Variants in TNFSF4 observed in about 807,000 individuals in gnomAD.
TNFSF4 encodes tumor necrosis factor ligand superfamily member 4.
Under a neutral mutation model 7.3 loss-of-function variants are expected in TNFSF4, and 4 were observed. The ratio of observed to expected loss-of-function variants is 0.55; its 90% CI spans 0.27 to 1.25. The LOEUF (loss-of-function observed/expected upper bound fraction) is 1.25, where lower values mean the gene tolerates loss of function less well. Ranked by LOEUF, TNFSF4 falls within the 50% of genes most tolerant of loss-of-function variation. The pLI is 0.12. For missense variants in TNFSF4, 181 were observed against 208.8 expected, an observed-to-expected ratio of 0.87 and a Z score of 0.82; for synonymous variants, 76 against 83.7, an observed-to-expected ratio of 0.91 and a Z score of 0.50.
chr1:173,226,576 C>T, the TNFSF4 span, among the ~76,000 whole-genome samples: 1 of 152,204 alleles, frequency 6.6e-6, no homozygotes, highest in South Asian at 2.1e-4. Flanking sequence ...TTGGGTGTCA[C>T]TTTTTCAGCA....
At chr1:173,269,374 T>C in the TNFSF4 span, among the ~76,000 whole-genome samples, 2 of 152,154 alleles carry the variant, frequency 1.3e-5, no homozygotes, top group African/African-American at 4.8e-5. Flanking sequence ...TTTCTTACCA[T>C]AGGTGTTAGC....
At chr1:173,371,024 A>C in the TNFSF4 span, among the ~76,000 whole-genome samples, 1 of 152,208 alleles carries the variant, frequency 6.6e-6, no homozygotes, top group Admixed American at 6.5e-5. Flanking sequence ...TCTGGGCCAG[A>C]AGCCCCCAAC....
intron 1 of TNFSF4, chr1:173,205,446 T>G (rs949478079): frequency 5.1e-6 from 8 of 1,564,604 alleles, no homozygotes; most frequent in African/African-American, 1.4e-5. Context: ...GATAGTCCAA[T>G]GTGACCCCAA....
the TNFSF4 span, among the ~76,000 whole-genome samples, chr1:173,371,077 C>T: frequency 6.6e-6 from 1 of 152,214 alleles, no homozygotes; most frequent in South Asian, 2.1e-4. Context: ...AGGGCAAGCA[C>T]CAGCTCATGT....
the TNFSF4 span, among the ~76,000 whole-genome samples, chr1:173,426,898 T>C: frequency 5.9e-4 from 89 of 152,128 alleles, no homozygotes; most frequent in Middle Eastern, 0.02. Context: ...ACAGCTCCCA[T>C]GGGTTCTTAT....
At chr1:173,414,031 G>A in the TNFSF4 span, among the ~76,000 whole-genome samples, 1 of 152,150 alleles carries the variant, frequency 6.6e-6, no homozygotes, top group Admixed American at 6.5e-5. Context: ...ACAAGCCAAC[G>A]TGTGAATTGC....
the TNFSF4 span, among the ~76,000 whole-genome samples, chr1:173,387,121 G>A: frequency 2.9e-3 from 444 of 152,308 alleles, 2 homozygotes; most frequent in African/African-American, 9.9e-3. Flanking sequence ...AAGATGTGTG[G>A]GCTATTGGGA....
the TNFSF4 span, among the ~76,000 whole-genome samples, chr1:173,316,866 C>G: frequency 2.6e-5 from 4 of 152,038 alleles, no homozygotes; most frequent in Non-Finnish European, 5.9e-5. Flanking sequence ...GATTTTCTCC[C>G]ATGTTTTCCT....
chr1:173,399,839 A>G, the TNFSF4 span, among the ~76,000 whole-genome samples: 4 of 152,180 alleles, frequency 2.6e-5, no homozygotes, highest in Admixed American at 1.3e-4. Context: ...ACTTCCATCA[A>G]CATTGACCTG....
rs900289034 is a variant in TNFSF4 at position 173,192,676 on chromosome 1, TAC to T, written c.154-4109_154-4108del. Reference sequence around the variant, plus strand: ...TACACTTGTCAAAACCCACAGAATGTACAGTTAACCCCAACATTAAAAAACAC... The same window carrying T: ...TACACTTGTCAAAACCCACAGAATGTAGTTAACCCCAACATTAAAAAACAC... On this transcript the variant is annotated intron_variant, in intron 1 of 2. Coordinates refer to ENST00000281834, the MANE Select transcript of TNFSF4 (RefSeq NM_003326.5). Among the ~76,000 whole-genome samples, 9 of 152,304 alleles carry T rather than the reference TAC, an allele frequency of 5.9e-5. No homozygotes were observed. The Middle Eastern group carries it at 0.01, about 173-fold the overall frequency.
At chr1:173,406,406 A>C in the TNFSF4 span, among the ~76,000 whole-genome samples, 17 of 152,174 alleles carry the variant, frequency 1.1e-4, no homozygotes. Context: ...AAATTATTAA[A>C]TACCTACTAT....
chr1:173,255,202 C>A, the TNFSF4 span, among the ~76,000 whole-genome samples: 1 of 152,180 alleles, frequency 6.6e-6, no homozygotes, highest in Non-Finnish European at 1.5e-5. Context: ...ACAATTACAG[C>A]ATGTGTCTTT....
At chr1:173,401,768 C>T in the TNFSF4 span, among the ~76,000 whole-genome samples, 2 of 152,100 alleles carry the variant, frequency 1.3e-5, no homozygotes, top group Non-Finnish European at 2.9e-5. Context: ...CACCCATATA[C>T]ATACATATAC....
chr1:173,407,432 C>T, the TNFSF4 span, among the ~76,000 whole-genome samples: 3 of 151,788 alleles, frequency 2.0e-5, no homozygotes, highest in Non-Finnish European at 4.4e-5. Context: ...TGGTCGCACA[C>T]ACCTGTAATC....
At chr1:173,416,664 T>C in the TNFSF4 span, among the ~76,000 whole-genome samples, 3 of 73,684 alleles carry the variant, frequency 4.1e-5, no homozygotes, top group African/African-American at 1.4e-4. Flanking sequence ...GATCTCACTC[T>C]GTTGCCCAGG....
chr1:173,307,725 A>G, the TNFSF4 span, among the ~76,000 whole-genome samples: 2 of 151,952 alleles, frequency 1.3e-5, no homozygotes, highest in Non-Finnish European at 2.9e-5. Flanking sequence ...AATGGTTCAG[A>G]AAATAATAGG....
At chr1:173,191,872 G>A (rs111689121) in intron 1 of TNFSF4, among the ~76,000 whole-genome samples, 14 of 152,150 alleles carry the variant, frequency 9.2e-5, no homozygotes, top group South Asian at 4.1e-4. Flanking sequence ...CACATGGTAC[G>A]TGGTAAGCAT....
At chr1:173,182,559 A>G (rs1483778300), downstream of TNFSF4, among the ~76,000 whole-genome samples, 2 of 152,218 alleles carry the variant, frequency 1.3e-5, no homozygotes, top group African/African-American at 4.8e-5. Flanking sequence ...GAATTATACC[A>G]CTTACCTCAA....
rs1297541351 is a variant in TNFSF4 at position 173,186,740 on chromosome 1, A to G, written c.328T>C (p.Ser110Pro). The G allele has an allele frequency of 5.6e-6, 9 of 1,614,142 alleles. No individual in the cohort carries two copies. The highest frequency in any genetic ancestry group is 7.6e-6 in the Non-Finnish European group (9 of 1,180,002). ...FYLISLKGYFSQEVNISLHYQ... is the reference protein window; with the variant it reads ...FYLISLKGYFPQEVNISLHYQ... ...TGAAGGCTAATGTTGACTTCCTGGG[A>G]GAAGTAGCCCTTCAGGGAGATGAGA... Residue 110 changes from serine to proline, a missense_variant, in exon 3 of 3, where the codon TCC (serine) becomes CCC (proline). Coordinates refer to ENST00000281834, the MANE Select transcript of TNFSF4 (RefSeq NM_003326.5).
Sources: allele counts gnomAD v4.1 joint callset (sites outside exome capture counted in the v4.1 genomes callset), GRCh38; gene constraint gnomAD v4.1.1; transcripts MANE v1.5; gene names NCBI Gene and HGNC (gene_info 2026-07-23, HGNC 2026-07-21).